ITGA11: variants seen among roughly 807,000 people sequenced by gnomAD.
ITGA11 encodes integrin alpha-11.
ITGA11 carries 97 observed loss-of-function variants against 141.9 expected under a neutral mutation model. The ratio of observed to expected loss-of-function variants is 0.68; its 90% CI spans 0.58 to 0.81. The LOEUF (loss-of-function observed/expected upper bound fraction) is 0.81. Ranked by LOEUF, ITGA11 falls within the 30% of genes least tolerant of loss-of-function variation. ITGA11 has a pLI of 0.00. For missense variants in ITGA11, 1,387 were observed against 1,559.2 expected (o/e 0.89, Z 1.86); for synonymous variants, 658 against 624.6 (o/e 1.05, Z -0.80).
At chr15:68,426,654 T>C (rs531909675) in intron 1 of ITGA11, among the ~76,000 whole-genome samples, 1 of 152,270 alleles carries the variant, frequency 6.6e-6, no homozygotes, top group African/African-American at 2.4e-5. Flanking sequence ...TTCTCAGCTG[T>C]TGAAGACACC....
At chr15:68,379,146 C>T (rs895615381) in intron 2 of ITGA11, among the ~76,000 whole-genome samples, 14 of 152,194 alleles carry the variant, frequency 9.2e-5, no homozygotes, top group Non-Finnish European at 1.9e-4. Flanking sequence ...CGCGGCTGCT[C>T]GTCTATCCGT....
rs184722097 is a variant in ITGA11, at chr15:68,419,049, C to A, written c.52+12966G>T. On this transcript the variant is annotated intron_variant, in intron 1 of 29. Transcript: ENST00000315757. ...AAAAAAGGAATTGTGGGGGCCCTTC[C>A]CTTCTAAGCCTGCAGGGCCCGCCCT... is the stretch of plus-strand genomic sequence containing the variant. 1.0e-3 allele frequency among the ~76,000 whole-genome samples: 156 copies of A among 152,192 alleles called. 1 individual carries two copies. The highest frequency in any genetic ancestry group is 2.4e-3 in the Admixed American group (37 of 15,274).
At chr15:68,317,180 C>G in intron 21 of ITGA11, 85 bp downstream of exon 21, 2 of 925,252 alleles carry the variant, frequency 2.2e-6, no homozygotes, top group Non-Finnish European at 3.6e-6. Flanking sequence ...TGTGTTCACT[C>G]TTGTTGCTCT....
chr15:68,422,543 C>A (rs1409530958), intron 1 of ITGA11, among the ~76,000 whole-genome samples: 1 of 152,082 alleles, frequency 6.6e-6, no homozygotes, highest in African/African-American at 2.4e-5. Context: ...TCCAGCCTCC[C>A]CCTCCCACCT....
intron 11 of ITGA11, 44 bp downstream of exon 11, chr15:68,339,456 C>T: frequency 6.3e-7 from 1 of 1,577,736 alleles, no homozygotes; most frequent in Admixed American, 1.8e-5. Flanking sequence ...TGGGTGCCCT[C>T]CCGGCCCACG....
Position 68,328,125 on chromosome 15 carries a change from A to G in ITGA11, c.2039T>C (p.Leu680Pro). 6.2e-7 allele frequency: 1 copy of G among 1,613,852 alleles called. No individual in the cohort carries two copies. Among genetic ancestry groups the G allele is most frequent in the Non-Finnish European group, 8.5e-7 (1 of 1,179,866 alleles). Residue 680 changes from leucine (L) to proline (P), a missense_variant, in exon 16 of 30, where the codon CTG becomes CCG. Physicochemically the swap from Leu to Pro is moderately conservative, Grantham distance 98. Coordinates refer to ENST00000315757, the MANE Select transcript of ITGA11 (RefSeq NM_001004439.2). The surrounding 1 kb of genome is among the most constrained non-coding windows in gnomAD (Gnocchi z 4.8). ...AAFLCFTPIF[L>P]APHFQTTTVG... ...AGTTGTTGTTTGGAAATGGGGTGCC[A>G]GGAAGATGGGCGTGAAGCAGAGGAA...
intron 22 of ITGA11, 103 bp downstream of exon 22, chr15:68,315,548 G>A (rs1343143620): frequency 6.0e-5 from 58 of 974,620 alleles, no homozygotes; most frequent in South Asian, 4.7e-4. Flanking sequence ...GGGACAGGGC[G>A]TGGGGCAGCG....
At chr15:68,377,086 T>G in intron 2 of ITGA11, among the ~76,000 whole-genome samples, 1 of 152,244 alleles carries the variant, frequency 6.6e-6, no homozygotes, top group Non-Finnish European at 1.5e-5. Context: ...GCACCCAGAT[T>G]GATTTTATCT....
Position 68,303,457 on chromosome 15 carries a change from G to A in ITGA11, c.3495+315C>T, listed in dbSNP as rs1234335522. ...TAACCAGAGCTTCAGAGACAGAGAT[G>A]GACTTCGGGAGGTTTGTTAACAGCT... On this transcript the variant is annotated intron_variant, in intron 29 of 29. Transcript: ENST00000315757. The surrounding 1 kb of genome is among the most constrained non-coding windows in gnomAD (Gnocchi z 5.3). Among the ~76,000 whole-genome samples the A allele has an allele frequency of 2.0e-5, 3 of 152,110 alleles. No homozygotes were observed. The highest frequency in any genetic ancestry group is 4.4e-5 in the Non-Finnish European group (3 of 68,020).
At position 68,408,266 on chromosome 15, in the gene ITGA11, A is replaced by G. The variant is rs116328286; in HGVS notation, c.53-5237T>C. Among the ~76,000 whole-genome samples the G allele has an allele frequency of 3.2e-3, 485 of 152,212 alleles. 2 individuals carry two copies. Among genetic ancestry groups the G allele is most frequent in the African/African-American group, 0.011 (454 of 41,514 alleles). Reference sequence around the variant, plus strand: ...TGGCCTCCCCTGGGAAGCTTCCCTGATACCTTGATTACATCAGATCTTGCT... The same window carrying G: ...TGGCCTCCCCTGGGAAGCTTCCCTGGTACCTTGATTACATCAGATCTTGCT... On this transcript the variant is annotated intron_variant, in intron 1 of 29. Transcript: ENST00000315757.
chr15:68,400,684 TATTATATTATATATTATATAATAA>T, intron 2 of ITGA11, among the ~76,000 whole-genome samples: 2 of 48,314 alleles, frequency 4.1e-5, no homozygotes, highest in Non-Finnish European at 3.3e-5. Context: ...ATATAATAAA[TATTATATTATATATTATATAATAA>T]ATATTATATA....
intron 24 of ITGA11, 118 bp from the exon 25 acceptor site, chr15:68,311,521 G>A (rs1893384149): frequency 1.5e-6 from 1 of 684,606 alleles, no homozygotes; most frequent in Non-Finnish European, 2.6e-6. Context: ...TGGGAAAAAG[G>A]CCCACTCAAG....
At chr15:68,351,515 A>C in intron 7 of ITGA11, 113 bp from the exon 8 acceptor site, 1 of 1,173,660 alleles carries the variant, frequency 8.5e-7, no homozygotes, top group African/African-American at 1.5e-5. Context: ...TCCTTGGGCA[A>C]CCCAACAGGT....
At chr15:68,369,385 A>AGGGGGGG in intron 2 of ITGA11, 101 bp from the exon 3 acceptor site, 1 of 27,076 alleles carries the variant, frequency 3.7e-5, no homozygotes, top group South Asian at 3.5e-4. Context: ...TTGGGTGGGG[A>AGGGGGGG]GGGTGGGAGG....
rs774079435 is a variant in ITGA11 at position 68,299,166 on chromosome 15, A to G, written c.*3893T>C. The G allele has an allele frequency of 7.9e-5, 12 of 152,222 alleles. No homozygotes were observed. The highest frequency in any genetic ancestry group is 1.6e-4 in the Non-Finnish European group (11 of 68,044). 9.4% of individuals were successfully genotyped at this position (152,222 alleles called of 1,614,324 possible). A position where few individuals can be genotyped will look rare whatever the true frequency, so the allele number is the denominator to read the frequency against. On this transcript the variant is annotated 3_prime_UTR_variant, in exon 30 of 30. Transcript: ENST00000315757. ...AAGTTTGCTAGGTACGGCTTAGCAT[A>G]CATCTTATTGAAAAGTTTTAGTGTC...
At position 68,307,747 on chromosome 15, in the gene ITGA11, G is replaced by T; in HGVS notation, c.3175-51C>A. On this transcript the variant is annotated intron_variant, in intron 26 of 29. Coordinates refer to ENST00000315757, the MANE Select transcript of ITGA11 (RefSeq NM_001004439.2). This position sits in a 1 kb window ranked among gnomAD's most constrained non-coding sequence, Gnocchi z 6.1. ...CTGAGCTGCTGGGCTAGGGGAGCAGGGGGCAGCAACACTGCTTGAACGACT... is the reference window on the plus strand; with the variant it reads ...CTGAGCTGCTGGGCTAGGGGAGCAGTGGGCAGCAACACTGCTTGAACGACT... 1 of 1,314,696 alleles carries T rather than the reference G, an allele frequency of 7.6e-7. No individual in the cohort carries two copies. The highest frequency in any genetic ancestry group is 1.1e-6 in the Non-Finnish European group (1 of 916,222). The allele number at this position is 1,314,696 out of a possible 1,614,324, so 81.4% of individuals were successfully genotyped here.
At chr15:68,364,083 G>A (rs1398821530) in intron 4 of ITGA11, among the ~76,000 whole-genome samples, 1 of 152,186 alleles carries the variant, frequency 6.6e-6, no homozygotes, top group Non-Finnish European at 1.5e-5. Context: ...ATGAATGAAT[G>A]TTTCTACCAC....
Position 68,361,678 on chromosome 15 carries a change from C to G in ITGA11, c.384G>C (p.Glu128Asp), listed in dbSNP as rs1216849989. The change falls in exon 5 of 30, where the codon GAG becomes GAC. Residue 128 changes from glutamate to aspartate, a missense_variant. Transcript: ENST00000315757. ...FLACSPLWSH[E>D]CGSSYYTTGM... ...CTGTGGTGTAGTAGGAGCTCCCACA[C>G]TCATGAGACCAGAGGGGGCTGCAGG... is the stretch of plus-strand genomic sequence containing the variant. The G allele has an allele frequency of 6.2e-7, 1 of 1,608,386 alleles. No individual in the cohort carries two copies. The highest frequency in any genetic ancestry group is 1.3e-5 in the African/African-American group (1 of 74,844).
In ITGA11 at chr15:68,326,910, C is replaced by T. The variant is rs868450351; in HGVS notation, c.2069-114G>A. 3 of 1,153,402 alleles carry T rather than the reference C, an allele frequency of 2.6e-6. No homozygotes were observed. In the Middle Eastern group the frequency reaches 6.7e-4, roughly 259 times the overall value. 71.4% of individuals were successfully genotyped at this position (1,153,402 alleles called of 1,614,324 possible). ...GCCAGGGGAGAGCTGTTCCTTTCCTCTCACGAGCCCCAGTGTGGGTGAGAA... is the reference window on the plus strand; with the variant it reads ...GCCAGGGGAGAGCTGTTCCTTTCCTTTCACGAGCCCCAGTGTGGGTGAGAA... On this transcript the variant is annotated intron_variant, in intron 16 of 29. Coordinates refer to ENST00000315757, the MANE Select transcript of ITGA11 (RefSeq NM_001004439.2). The surrounding 1 kb of genome is among the most constrained non-coding windows in gnomAD (Gnocchi z 6.8).
Sources: allele counts gnomAD v4.1 joint callset (sites outside exome capture counted in the v4.1 genomes callset), GRCh38; gene constraint gnomAD v4.1.1; non-coding constraint Gnocchi (gnomAD v3.1); transcripts MANE v1.5; gene names NCBI Gene and HGNC (gene_info 2026-07-23, HGNC 2026-07-21).